The following MGST2 variants were observed in gnomAD, a reference collection of about 807,000 sequenced individuals.
MGST2 encodes the protein glutathione peroxidase MGST2.
In MGST2, 9 loss-of-function variants were observed where a neutral mutation model predicts 16.6. That is an observed-to-expected ratio of 0.54 (90% CI 0.33 to 0.95). MGST2 has a LOEUF of 0.95. Ranked by LOEUF, MGST2 falls within the 40% of genes least tolerant of loss-of-function variation. MGST2 has a pLI of 0.03. For missense variants in MGST2, 159 were observed against 175.1 expected (o/e 0.91, Z 0.52); for synonymous variants, 79 against 68.0 (o/e 1.16, Z -0.79).
chr4:139,671,204 G>A (rs1203057721), intron 1 of MGST2, among the ~76,000 whole-genome samples: 6 of 152,098 alleles, frequency 3.9e-5, no homozygotes, highest in Admixed American at 2.6e-4. Flanking sequence ...TTCCCCTCAC[G>A]GCAGGGAATT....
intron 5 of MGST2, among the ~76,000 whole-genome samples, chr4:139,724,696 C>T (rs946643450): frequency 2.0e-5 from 3 of 151,936 alleles, no homozygotes; most frequent in Middle Eastern, 3.2e-3. Flanking sequence ...ACCCCTGTAG[C>T]CCCCTGAAAA....
At chr4:139,726,469 G>A (rs1020187075) in intron 5 of MGST2, among the ~76,000 whole-genome samples, 8 of 152,138 alleles carry the variant, frequency 5.3e-5, no homozygotes, top group South Asian at 2.1e-4. Context: ...TGAGGAATGC[G>A]TGCTGAGGGA....
rs1354048315 is a variant in MGST2, at chr4:139,735,561, G to A, written c.*49-4651G>A. 6.6e-6 allele frequency among the ~76,000 whole-genome samples: 1 copy of A among 152,140 alleles called. No homozygotes were observed. The highest frequency in any genetic ancestry group is 1.5e-5 in the Non-Finnish European group (1 of 68,016). ...CCCAGCTGCACAAAGCCGGCCCGGG[G>A]AGGGGGCGATAAGGAGCGAGCCTCG... On this transcript the variant is annotated intron_variant, in intron 5 of 5. Transcript: ENST00000616265. The surrounding 1 kb of genome is among the most constrained non-coding windows in gnomAD (Gnocchi z 5.8).
intron 2 of MGST2, among the ~76,000 whole-genome samples, chr4:139,680,321 A>G (rs940142920): frequency 4.6e-5 from 7 of 152,090 alleles, no homozygotes; most frequent in African/African-American, 1.7e-4. Context: ...TTTTTTCCCT[A>G]GGGTTAATAA....
At chr4:139,703,401 A>G in intron 3 of MGST2, 54 bp from the exon 4 acceptor site, 1 of 1,393,956 alleles carries the variant, frequency 7.2e-7, no homozygotes, top group Admixed American at 1.7e-5. Context: ...CAACATCTTA[A>G]GAGACTGCTG....
chr4:139,707,965 CA>C (rs1243732502), downstream of MGST2, among the ~76,000 whole-genome samples: 1 of 151,924 alleles, frequency 6.6e-6, no homozygotes, highest in East Asian at 1.9e-4. Context: ...AGCCCTTTGT[CA>C]GATGAGTAGG....
chr4:139,747,852 G>A, the MGST2 span, among the ~76,000 whole-genome samples: 6 of 151,572 alleles, frequency 4.0e-5, no homozygotes, highest in Admixed American at 3.9e-4. Context: ...TTAGGAGTTC[G>A]ACACAAGCCT....
chr4:139,726,625 A>C (rs1054931564), intron 5 of MGST2, among the ~76,000 whole-genome samples: 17 of 152,224 alleles, frequency 1.1e-4, no homozygotes, highest in African/African-American at 3.9e-4. Flanking sequence ...GGAGTTATAC[A>C]AAAAAGGCTA....
the MGST2 span, among the ~76,000 whole-genome samples, chr4:139,751,545 T>G: frequency 0.015 from 2,323 of 152,342 alleles, 25 homozygotes; most frequent in Middle Eastern, 0.082. Context: ...TGTGGTATCA[T>G]GTCAGCGCTC....
In MGST2 at chr4:139,665,990, G is replaced by C. The variant is rs746673006; in HGVS notation, c.-30G>C. On this transcript the variant is annotated 5_prime_UTR_variant, in exon 1 of 5. Coordinates refer to ENST00000265498, the MANE Select transcript of MGST2 (RefSeq NM_002413.5). ...GTCAAGAAGCGCCATTTATCTTCCC[G>C]TGCGCTCTACAAATAGTTCCGTGAG... 1 of 1,612,372 alleles carries C rather than the reference G, an allele frequency of 6.2e-7. No individual in the cohort carries two copies. Among genetic ancestry groups the C allele is most frequent in the Admixed American group, 1.7e-5 (1 of 59,986 alleles).
At chr4:139,690,001 A>T (rs28414528) in intron 2 of MGST2, among the ~76,000 whole-genome samples, 2,121 of 151,988 alleles carry the variant, frequency 0.014, 53 homozygotes, top group African/African-American at 0.047. Flanking sequence ...ATTAAAAAAA[A>T]TTTTTTTTGA....
At chr4:139,702,844 G>GTTTTTTTTTGTTTTTTTTTTTTTT (rs1727328068) in intron 3 of MGST2, among the ~76,000 whole-genome samples, 1 of 46,424 alleles carries the variant, frequency 2.2e-5, no homozygotes. Context: ...TGTGTTACTG[G>GTTTTTTTTTGTTTTTTTTTTTTTT]TTTTTTTTTT....
chr4:139,740,959 A>G (rs1729146255), downstream of MGST2, among the ~76,000 whole-genome samples: 1 of 152,090 alleles, frequency 6.6e-6, no homozygotes, highest in Non-Finnish European at 1.5e-5. Context: ...AGGCCGTGAG[A>G]GGGAGGGCCC....
At chr4:139,741,321 C>A (rs538279494), downstream of MGST2, among the ~76,000 whole-genome samples, 1 of 152,180 alleles carries the variant, frequency 6.6e-6, no homozygotes, top group Admixed American at 6.5e-5. Flanking sequence ...GGGCATAAGA[C>A]CACCTGACCC....
At chr4:139,739,942 T>C (rs1194470283) in intron 5 of MGST2, among the ~76,000 whole-genome samples, 1 of 152,164 alleles carries the variant, frequency 6.6e-6, no homozygotes, top group East Asian at 1.9e-4. Flanking sequence ...GTCTGGGACC[T>C]GGACTATTTC....
At chr4:139,711,040 G>A (rs1324338012) in intron 5 of MGST2, among the ~76,000 whole-genome samples, 1 of 151,386 alleles carries the variant, frequency 6.6e-6, no homozygotes, top group Non-Finnish European at 1.5e-5. Flanking sequence ...TTGAGACAGG[G>A]TCTCTCTCTG....
chr4:139,744,695 G>T (rs1729266837), downstream of MGST2, among the ~76,000 whole-genome samples: 1 of 152,202 alleles, frequency 6.6e-6, no homozygotes, highest in Non-Finnish European at 1.5e-5. Context: ...GACTCTCACT[G>T]CAGTGCAGCC....
intron 2 of MGST2, among the ~76,000 whole-genome samples, chr4:139,681,223 G>A (rs924542456): frequency 1.3e-5 from 2 of 152,070 alleles, no homozygotes; most frequent in Admixed American, 6.6e-5. Context: ...TCACCATGTT[G>A]CCCAGTCTGG....
At chr4:139,743,049 A>G (rs1729215044), downstream of MGST2, among the ~76,000 whole-genome samples, 1 of 152,096 alleles carries the variant, frequency 6.6e-6, no homozygotes, top group Admixed American at 6.5e-5. Context: ...TTTTTCCCCA[A>G]AAGCTTTCTG....
Sources: allele counts gnomAD v4.1 joint callset (sites outside exome capture counted in the v4.1 genomes callset), GRCh38; gene constraint gnomAD v4.1.1; non-coding constraint Gnocchi (gnomAD v3.1); transcripts MANE v1.5; gene names NCBI Gene and HGNC (gene_info 2026-07-23, HGNC 2026-07-21).